The following PKP4 variants were observed in gnomAD, a reference collection of about 807,000 sequenced individuals.
PKP4 encodes the protein plakophilin-4.
PKP4 carries 90 observed loss-of-function variants against 145.1 expected under a neutral mutation model. That is an observed-to-expected ratio of 0.62 (90% CI 0.52 to 0.74). The LOEUF (loss-of-function observed/expected upper bound fraction) is 0.74. Among genes scored for constraint, PKP4 ranks in the 30% least tolerant of loss-of-function variants. PKP4 has a pLI of 0.00. For synonymous variants in PKP4, 563 were observed against 577.2 expected, an observed-to-expected ratio of 0.98 and a Z score of 0.35; for missense variants, 1,340 against 1,482.7, an observed-to-expected ratio of 0.90 and a Z score of 1.58.
intron 3 of PKP4, among the ~76,000 whole-genome samples, chr2:158,590,448 A>G (rs2049173947): frequency 6.7e-6 from 1 of 150,288 alleles, no homozygotes; most frequent in Admixed American, 6.7e-5. Flanking sequence ...TCTTTGCTTC[A>G]GTCCAAGTCA....
chr2:158,577,227 CA>C (rs753872067), intron 2 of PKP4, 43 bp from the exon 3 acceptor site: 1 of 1,190,824 alleles, frequency 8.4e-7, no homozygotes, highest in Non-Finnish European at 1.2e-6. Context: ...GCCTGAGCAG[CA>C]TACCTTGGCG....
intron 1 of PKP4, among the ~76,000 whole-genome samples, chr2:158,502,704 T>C (rs979174379): frequency 1.3e-5 from 2 of 152,180 alleles, no homozygotes; most frequent in Non-Finnish European, 2.9e-5. Flanking sequence ...CCAATTGCAA[T>C]TGGTGCAGAT....
At chr2:158,462,762 G>T (rs141146659) in intron 1 of PKP4, among the ~76,000 whole-genome samples, 1 of 152,146 alleles carries the variant, frequency 6.6e-6, no homozygotes, top group Admixed American at 6.5e-5. Flanking sequence ...CTTGCTGGCT[G>T]TGTAACCTGG....
At chr2:158,640,109 A>T (rs920899232) in intron 9 of PKP4, among the ~76,000 whole-genome samples, 5 of 152,226 alleles carry the variant, frequency 3.3e-5, no homozygotes, top group Non-Finnish European at 7.3e-5. Context: ...ATACTTGTTT[A>T]TAGTTTTCTG....
intron 6 of PKP4, among the ~76,000 whole-genome samples, chr2:158,624,522 G>A (rs984164906): frequency 5.3e-5 from 8 of 152,198 alleles, no homozygotes; most frequent in South Asian, 2.1e-4. Context: ...GCCCCTTCAC[G>A]CTCATGAATT....
chr2:158,518,171 G>A (rs2042079132), intron 1 of PKP4, among the ~76,000 whole-genome samples: 1 of 152,182 alleles, frequency 6.6e-6, no homozygotes, highest in Non-Finnish European at 1.5e-5. Flanking sequence ...GACTAGGTCA[G>A]GGCAAGACTA....
intron 1 of PKP4, among the ~76,000 whole-genome samples, chr2:158,516,407 A>C (rs2105546711): frequency 6.6e-6 from 1 of 152,294 alleles, no homozygotes; most frequent in South Asian, 2.1e-4. Context: ...TCATTTTGAG[A>C]TGCTGGAAGT....
intron 10 of PKP4, among the ~76,000 whole-genome samples, chr2:158,641,789 T>A (rs541620415): frequency 6.6e-6 from 1 of 152,270 alleles, no homozygotes; most frequent in Non-Finnish European, 1.5e-5. Flanking sequence ...ATAACTTAAG[T>A]CAAAAATTAT....
Position 158,669,793 on chromosome 2 carries a change from C to T in PKP4, c.2802C>T (p.Thr934=). 3 of 1,613,842 alleles carry T rather than the reference C, an allele frequency of 1.9e-6. No individual in the cohort carries two copies. The highest frequency in any genetic ancestry group is 1.3e-5 in the African/African-American group (1 of 75,076). ...GCCCCAGTGTCTTGTCTGATGAGAC[C>T]ATGGCAGCCATCTGCTGTGCTCTGC... ...GNGPSVLSDE[T]MAAICCALHE... The change falls in exon 17 of 22, where the codon ACC becomes ACT. Residue 934 remains threonine, a synonymous_variant. Transcript: ENST00000389759.
chr2:158,529,585 G>GA (rs1368869308), intron 1 of PKP4, among the ~76,000 whole-genome samples: 4 of 152,162 alleles, frequency 2.6e-5, no homozygotes, highest in Non-Finnish European at 4.4e-5. Flanking sequence ...GAGCCTGAAG[G>GA]AAAATTGTAA....
intron 2 of PKP4, among the ~76,000 whole-genome samples, chr2:158,562,817 T>C (rs985941457): frequency 6.6e-6 from 1 of 152,206 alleles, no homozygotes; most frequent in Non-Finnish European, 1.5e-5. Context: ...CCTAACATGA[T>C]TCAAAATTTA....
At chr2:158,460,536 A>C (rs1689603840) in intron 1 of PKP4, among the ~76,000 whole-genome samples, 1 of 152,240 alleles carries the variant, frequency 6.6e-6, no homozygotes, top group African/African-American at 2.4e-5. Flanking sequence ...GGATGATGCC[A>C]ACCATCAGGT....
intron 17 of PKP4, among the ~76,000 whole-genome samples, chr2:158,670,417 T>A (rs977359182): frequency 6.6e-6 from 1 of 152,186 alleles, no homozygotes. Flanking sequence ...TCTACCCTCA[T>A]GATCTAATCA....
intron 1 of PKP4, among the ~76,000 whole-genome samples, chr2:158,493,978 G>T (rs1025896766): frequency 2.4e-4 from 36 of 152,144 alleles, no homozygotes; most frequent in Admixed American, 2.6e-4. Flanking sequence ...GAGTCCAGGG[G>T]TGCAAAATTC....
chr2:158,678,960 C>T (rs1353774934), intron 21 of PKP4: 1 of 392,614 alleles, frequency 2.5e-6, no homozygotes, highest in African/African-American at 2.0e-5. Context: ...CTGTTAAGCT[C>T]TAAAATCTCT....
At chr2:158,593,244 A>C (rs1052112120) in intron 3 of PKP4, among the ~76,000 whole-genome samples, 1 of 152,122 alleles carries the variant, frequency 6.6e-6, no homozygotes, top group African/African-American at 2.4e-5. Context: ...ATAGGATCCT[A>C]GGTTTGTGGC....
At chr2:158,605,935 T>C (rs1209416929) in intron 4 of PKP4, among the ~76,000 whole-genome samples, 1 of 152,226 alleles carries the variant, frequency 6.6e-6, no homozygotes, top group African/African-American at 2.4e-5. Flanking sequence ...GGCATGATTT[T>C]TTCAAGGTTC....
chr2:158,661,627 G>A (rs1462244870), intron 13 of PKP4, 177 bp downstream of exon 13: 1 of 514,712 alleles, frequency 1.9e-6, no homozygotes, highest in Non-Finnish European at 3.6e-6. Flanking sequence ...GGCAACTTAA[G>A]AAAATATCCT....
At chr2:158,499,881 C>T (rs1396075071) in intron 1 of PKP4, among the ~76,000 whole-genome samples, 1 of 152,156 alleles carries the variant, frequency 6.6e-6, no homozygotes, top group Non-Finnish European at 1.5e-5. Context: ...GAACAGGATG[C>T]ATGAATTAAA....
Sources: allele counts gnomAD v4.1 joint callset (sites outside exome capture counted in the v4.1 genomes callset), GRCh38; gene constraint gnomAD v4.1.1; transcripts MANE v1.5; gene names NCBI Gene and HGNC (gene_info 2026-07-23, HGNC 2026-07-21).